AUTS2: variants seen among roughly 807,000 people sequenced by gnomAD.
AUTS2 encodes the protein autism susceptibility gene 2 protein.
A neutral mutation model predicts 112.4 loss-of-function variants in AUTS2; 17 were observed. The observed-to-expected ratio is 0.15, with a 90% CI of 0.10 to 0.23. The LOEUF is 0.23. Ranked by LOEUF, AUTS2 falls within the 10% of genes least tolerant of loss-of-function variation. The pLI is 1.00. For missense variants in AUTS2, 1,510 were observed against 1,701.6 expected (o/e 0.89, Z 1.98); for synonymous variants, 751 against 702.7 (o/e 1.07, Z -1.09).
chr7:69,818,570 A>G (rs1562904307), intron 1 of AUTS2, among the ~76,000 whole-genome samples: 1 of 152,222 alleles, frequency 6.6e-6, no homozygotes, highest in Non-Finnish European at 1.5e-5. Flanking sequence ...AATCTATGCA[A>G]TAATGGTTTG....
At chr7:70,325,198 C>T (rs1375918364) in intron 4 of AUTS2, among the ~76,000 whole-genome samples, 3 of 152,088 alleles carry the variant, frequency 2.0e-5, no homozygotes, top group African/African-American at 4.8e-5. Context: ...GTGGCTCACA[C>T]CTGTAATCCC....
chr7:69,610,343 A>G (rs1792963397), intron 1 of AUTS2, among the ~76,000 whole-genome samples: 1 of 152,336 alleles, frequency 6.6e-6, no homozygotes, highest in South Asian at 2.1e-4. Flanking sequence ...ATGCAGGCCT[A>G]CCTCTACTCA....
At chr7:70,111,774 A>G (rs1340946436) in intron 2 of AUTS2, among the ~76,000 whole-genome samples, 1 of 152,132 alleles carries the variant, frequency 6.6e-6, no homozygotes, top group African/African-American at 2.4e-5. Context: ...ATCTTCTTAA[A>G]AACTTTAGAC....
intron 2 of AUTS2, among the ~76,000 whole-genome samples, chr7:69,905,149 C>T (rs547561170): frequency 6.6e-6 from 1 of 151,922 alleles, no homozygotes; most frequent in Non-Finnish European, 1.5e-5. Flanking sequence ...TGCTGTGAGC[C>T]CTGAATGTTG....
chr7:69,848,301 C>T lies in AUTS2; in HGVS notation c.310-50985C>T, dbSNP rs1343636997. Among the ~76,000 whole-genome samples, 3 of 152,182 alleles carry T rather than the reference C, an allele frequency of 2.0e-5. No individual in the cohort carries two copies. The East Asian group carries it at 5.8e-4, about 29-fold the overall frequency. On this transcript the variant is annotated intron_variant, in intron 1 of 18. Transcript: ENST00000342771. ...GTTGTAAATAGTACTATAATGATATCTCAGTCATTTGTTTTGATGTATCCA... is the reference window on the plus strand; with the variant it reads ...GTTGTAAATAGTACTATAATGATATTTCAGTCATTTGTTTTGATGTATCCA...
intron 1 of AUTS2, among the ~76,000 whole-genome samples, chr7:69,791,747 C>T (rs566798723): frequency 1.3e-5 from 2 of 152,312 alleles, no homozygotes; most frequent in East Asian, 3.9e-4. Context: ...AATTAACTGA[C>T]ATAGGCTGGC....
At chr7:70,729,242 C>T (rs528649592) in intron 6 of AUTS2, 85 of 455,178 alleles carry the variant, frequency 1.9e-4, no homozygotes, top group African/African-American at 1.6e-3. Flanking sequence ...TGGGCCAGTG[C>T]GGACCCCAGT....
At chr7:70,672,961 G>T (rs1426977418) in intron 5 of AUTS2, among the ~76,000 whole-genome samples, 1 of 152,174 alleles carries the variant, frequency 6.6e-6, no homozygotes, top group Non-Finnish European at 1.5e-5. Context: ...CCCTACTACA[G>T]CATTCATAGA....
At chr7:70,595,033 G>A (rs1485993853) in intron 5 of AUTS2, among the ~76,000 whole-genome samples, 2 of 152,056 alleles carry the variant, frequency 1.3e-5, no homozygotes, top group Non-Finnish European at 1.5e-5. Context: ...CCTGGGAGGC[G>A]GAGGCTGCAG....
chr7:70,472,694 T>C (rs1292051551), intron 5 of AUTS2, among the ~76,000 whole-genome samples: 3 of 152,234 alleles, frequency 2.0e-5, no homozygotes, highest in Non-Finnish European at 4.4e-5. Flanking sequence ...TCTGCATTTT[T>C]AGGGCAATAG....
chr7:70,010,622 C>A (rs1010034589), intron 2 of AUTS2, among the ~76,000 whole-genome samples: 1 of 152,092 alleles, frequency 6.6e-6, no homozygotes, highest in South Asian at 2.1e-4. Context: ...AAGAAATAAG[C>A]CTTTGTTATT....
At chr7:70,725,289 C>T (rs184025978) in intron 6 of AUTS2, among the ~76,000 whole-genome samples, 1 of 152,282 alleles carries the variant, frequency 6.6e-6, no homozygotes, top group East Asian at 1.9e-4. Flanking sequence ...TGTCAGCACC[C>T]TGAAAGCCTG....
intron 2 of AUTS2, among the ~76,000 whole-genome samples, chr7:70,037,530 A>C (rs1801060074): frequency 6.6e-6 from 1 of 152,204 alleles, no homozygotes; most frequent in Non-Finnish European, 1.5e-5. Context: ...AAAATGTATT[A>C]ATAATTTTAT....
intron 1 of AUTS2, among the ~76,000 whole-genome samples, chr7:69,718,374 CAG>C (rs1441775345): frequency 6.6e-6 from 1 of 152,116 alleles, no homozygotes; most frequent in Non-Finnish European, 1.5e-5. Flanking sequence ...ATCGAGGTGT[CAG>C]GGGGCTGTGT....
chr7:70,448,832 C>T (rs1019172047), intron 5 of AUTS2, among the ~76,000 whole-genome samples: 10 of 152,276 alleles, frequency 6.6e-5, no homozygotes, highest in Admixed American at 6.5e-4. Context: ...AATTACCAAG[C>T]AATTGTTCAT....
chr7:70,038,849 C>G lies in AUTS2; in HGVS notation c.523-79283C>G, dbSNP rs555789076. On this transcript the variant is annotated intron_variant, in intron 2 of 18. Transcript: ENST00000342771. ...TCTCAGCTCACGGTAACCTCTGCCT[C>G]CCGGGTTCAAACAATTCTCCTGTCT... is the stretch of plus-strand genomic sequence containing the variant. 5.9e-5 allele frequency among the ~76,000 whole-genome samples: 9 copies of G among 152,262 alleles called. No homozygotes were observed. In the South Asian group the frequency reaches 1.7e-3, roughly 28 times the overall value.
intron 4 of AUTS2, among the ~76,000 whole-genome samples, chr7:70,418,676 C>G (rs1322032679): frequency 2.0e-5 from 3 of 152,010 alleles, no homozygotes; most frequent in African/African-American, 7.2e-5. Flanking sequence ...TCCAGAACTC[C>G]ATCACACGGG....
intron 2 of AUTS2, among the ~76,000 whole-genome samples, chr7:70,106,446 G>C (rs999535694): frequency 6.6e-6 from 1 of 152,190 alleles, no homozygotes; most frequent in Non-Finnish European, 1.5e-5. Context: ...CAGGCCAGGT[G>C]TGGTGGTGCA....
intron 1 of AUTS2, among the ~76,000 whole-genome samples, chr7:69,697,885 C>T (rs780257408): frequency 7.2e-5 from 11 of 152,144 alleles, no homozygotes; most frequent in African/African-American, 1.4e-4. Flanking sequence ...ATCAGCATGC[C>T]GCTTTTCCTT....
Sources: gnomAD v4.1 joint callset for allele counts (sites outside exome capture counted in the v4.1 genomes callset) on GRCh38, gnomAD v4.1.1 for gene constraint, MANE v1.5 for transcripts, NCBI Gene and HGNC (gene_info 2026-07-23, HGNC 2026-07-21) for gene names.